Variants in GLIS3 observed in about 807,000 individuals in gnomAD.
The protein encoded by GLIS3 is GLIS family zinc finger 3, also known as zinc finger protein GLIS3.
GLIS3 carries 53 observed loss-of-function variants against 78.6 expected under a neutral mutation model. That is an observed-to-expected ratio of 0.67 (90% confidence interval 0.54 to 0.85). The LOEUF (loss-of-function observed/expected upper bound fraction) is 0.85. Ranked by LOEUF, GLIS3 falls within the 40% of genes least tolerant of loss-of-function variation. The probability of loss-of-function intolerance (pLI) is 0.00; values close to 1 mark genes in which losing one functional copy is unlikely to be tolerated. For missense variants in GLIS3, 1,703 were observed against 1,231.1 expected (o/e 1.38, Z -5.74); for synonymous variants, 684 against 509.9 (o/e 1.34, Z -4.60).
At chr9:4,129,620 G>C (rs189472310) in intron 2 of GLIS3, among the ~76,000 whole-genome samples, 268 of 152,260 alleles carry the variant, frequency 1.8e-3, no homozygotes, top group Non-Finnish European at 3.1e-3. Flanking sequence ...ATGATTGAAA[G>C]TTTCCTGAGG....
chr9:4,217,843 G>T (rs1392280733), intron 2 of GLIS3, among the ~76,000 whole-genome samples: 1 of 152,196 alleles, frequency 6.6e-6, no homozygotes, highest in African/African-American at 2.4e-5. Flanking sequence ...ATTAAATTCT[G>T]CAGCAGCATG....
intron 2 of GLIS3, among the ~76,000 whole-genome samples, chr9:4,325,363 G>T (rs74437237): frequency 6.6e-6 from 1 of 152,172 alleles, no homozygotes; most frequent in Non-Finnish European, 1.5e-5. Flanking sequence ...CTGAAAATGT[G>T]CTAGGGCATA....
intron 9 of GLIS3, among the ~76,000 whole-genome samples, chr9:3,829,964 A>G (rs755004855): frequency 1.3e-5 from 2 of 152,216 alleles, no homozygotes; most frequent in African/African-American, 2.4e-5. Context: ...TCTTTCCAAT[A>G]GAGAAATACA....
At chr9:4,244,698 C>T (rs1037764653) in intron 2 of GLIS3, among the ~76,000 whole-genome samples, 18 of 152,090 alleles carry the variant, frequency 1.2e-4, no homozygotes, top group African/African-American at 4.3e-4. Flanking sequence ...CCTCAACCTC[C>T]TGAGTAGCTG....
chr9:3,926,478 T>C lies in GLIS3; in HGVS notation c.1983+5882A>G, dbSNP rs754131572. Among the ~76,000 whole-genome samples the C allele has an allele frequency of 8.6e-5, 13 of 152,004 alleles. No individual in the cohort carries two copies. The South Asian group carries it at 1.7e-3, about 19-fold the overall frequency. On this transcript the variant is annotated intron_variant, in intron 6 of 10. Coordinates refer to ENST00000381971, the MANE Select transcript of GLIS3 (RefSeq NM_001042413.2). ...ATCTCCTGACCTCATGATCCGCCTGTCTCGGTCTCCCAAAGTGCTGGGATT... is the reference window on the plus strand; with the variant it reads ...ATCTCCTGACCTCATGATCCGCCTGCCTCGGTCTCCCAAAGTGCTGGGATT...
At chr9:4,054,483 C>G in intron 4 of GLIS3, 20 of 985,374 alleles carry the variant, frequency 2.0e-5, no homozygotes, top group Non-Finnish European at 2.3e-5. Context: ...CAGTCAGGGC[C>G]TACGGGTTCT....
At chr9:3,966,434 G>A (rs1393666600) in intron 4 of GLIS3, among the ~76,000 whole-genome samples, 1 of 148,778 alleles carries the variant, frequency 6.7e-6, no homozygotes, top group Non-Finnish European at 1.5e-5. Flanking sequence ...ATGATGCAAA[G>A]CCTTTTTTTT....
intron 4 of GLIS3, among the ~76,000 whole-genome samples, chr9:4,046,471 T>C (rs1825259924): frequency 6.6e-6 from 1 of 152,154 alleles, no homozygotes; most frequent in Non-Finnish European, 1.5e-5. Context: ...GGCTGAGAGA[T>C]ACATGACTTA....
intron 2 of GLIS3, among the ~76,000 whole-genome samples, chr9:4,162,663 T>C (rs976806144): frequency 7.9e-5 from 12 of 152,060 alleles, no homozygotes; most frequent in East Asian, 1.9e-4. Context: ...GAGACCATCC[T>C]GGCTAACACG....
chr9:4,104,549 A>C (rs1312304569), intron 4 of GLIS3, among the ~76,000 whole-genome samples: 1 of 152,118 alleles, frequency 6.6e-6, no homozygotes, highest in Non-Finnish European at 1.5e-5. Flanking sequence ...GATTCTATTA[A>C]AACATAAGTC....
intron 4 of GLIS3, among the ~76,000 whole-genome samples, chr9:4,057,187 G>T (rs1169689625): frequency 6.6e-6 from 1 of 152,078 alleles, no homozygotes; most frequent in African/African-American, 2.4e-5. Flanking sequence ...GGCTTCATGG[G>T]CATCAAAGGC....
At chr9:4,290,683 C>A (rs931748479) in intron 1 of GLIS3, among the ~76,000 whole-genome samples, 1 of 152,122 alleles carries the variant, frequency 6.6e-6, no homozygotes, top group African/African-American at 2.4e-5. Context: ...TGTCCTAACA[C>A]AGGTGACTGA....
At chr9:4,452,524 CA>C in the GLIS3 span, among the ~76,000 whole-genome samples, 1 of 152,058 alleles carries the variant, frequency 6.6e-6, no homozygotes, top group Non-Finnish European at 1.5e-5. Context: ...TCCTATAAAC[CA>C]ATAATAGGCA....
At chr9:4,048,718 T>C (rs1442957980) in intron 4 of GLIS3, among the ~76,000 whole-genome samples, 4 of 152,132 alleles carry the variant, frequency 2.6e-5, no homozygotes, top group African/African-American at 9.7e-5. Flanking sequence ...GAAGCAAATT[T>C]TCTCAGTAAT....
chr9:4,119,130 T>C (rs909691615), intron 3 of GLIS3, among the ~76,000 whole-genome samples: 3 of 152,228 alleles, frequency 2.0e-5, no homozygotes, highest in Non-Finnish European at 4.4e-5. Context: ...AGATCTATTG[T>C]TATAAATAAT....
upstream of GLIS3, among the ~76,000 whole-genome samples, chr9:4,352,053 T>C (rs758518330): frequency 6.6e-6 from 1 of 152,198 alleles, no homozygotes; most frequent in Admixed American, 6.5e-5. Flanking sequence ...TGAAGTAAAC[T>C]TCAGCGTAAG....
chr9:4,240,252 G>C (rs999266169), intron 2 of GLIS3, among the ~76,000 whole-genome samples: 2 of 151,940 alleles, frequency 1.3e-5, no homozygotes, highest in Non-Finnish European at 2.9e-5. Context: ...TCAGACATTA[G>C]TTAGATTATC....
chr9:3,936,697 T>C (rs985188366), intron 5 of GLIS3, among the ~76,000 whole-genome samples: 1 of 152,190 alleles, frequency 6.6e-6, no homozygotes. Context: ...CTCAATACTG[T>C]TTTTAATGCC....
At chr9:4,055,909 T>C (rs1396482665) in intron 4 of GLIS3, among the ~76,000 whole-genome samples, 1 of 152,134 alleles carries the variant, frequency 6.6e-6, no homozygotes, top group African/African-American at 2.4e-5. Context: ...TCGATGGCAG[T>C]GACGGAGGAA....
Sources: gnomAD v4.1 joint callset for allele counts (sites outside exome capture counted in the v4.1 genomes callset) on GRCh38, gnomAD v4.1.1 for gene constraint, MANE v1.5 for transcripts, NCBI Gene and HGNC (gene_info 2026-07-23, HGNC 2026-07-21) for gene names.